The following BHLHE40 variants were observed in gnomAD, a reference collection of about 807,000 sequenced individuals.
The protein encoded by BHLHE40 is basic helix-loop-helix family member e40, also known as class E basic helix-loop-helix protein 40.
BHLHE40 carries 3 observed loss-of-function variants against 35.7 expected under a neutral mutation model. The observed-to-expected ratio is 0.08, with a 90% CI of 0.04 to 0.22. BHLHE40 has a LOEUF of 0.22. Ranked by LOEUF, BHLHE40 falls within the 10% of genes least tolerant of loss-of-function variation. The pLI is 1.00. For synonymous variants in BHLHE40, 236 were observed against 213.0 expected (o/e 1.11, Z -0.94); for missense variants, 486 against 524.0 (o/e 0.93, Z 0.71).
Position 4,980,368 on chromosome 3 carries a change from C to A in BHLHE40, c.218C>A (p.Ala73Asp). The A allele has an allele frequency of 6.2e-7, 1 of 1,614,128 alleles. No homozygotes were observed. The highest frequency in any genetic ancestry group is 8.5e-7 in the Non-Finnish European group (1 of 1,179,992). ...CGTGACCGGATTAACGAGTGCATCGCCCAGCTGAAGGATCTCCTACCCGAA... is the reference window on the plus strand; with the variant it reads ...CGTGACCGGATTAACGAGTGCATCGACCAGCTGAAGGATCTCCTACCCGAA... ...KRRDRINECI[A>D]QLKDLLPEHL... Residue 73 changes from alanine to aspartate, a missense_variant, in exon 3 of 5, where the codon GCC (alanine) becomes GAC (aspartate). Ala to Asp is a moderately radical substitution (Grantham distance 126). Coordinates refer to ENST00000256495, the MANE Select transcript of BHLHE40 (RefSeq NM_003670.3).
chr3:4,980,814 C>T lies in BHLHE40; in HGVS notation c.258+406C>T, dbSNP rs558633659. Among the ~76,000 whole-genome samples the T allele has an allele frequency of 8.0e-4, 122 of 151,940 alleles. 1 individual carries two copies. The highest frequency in any genetic ancestry group is 2.8e-3 in the African/African-American group (114 of 41,406). ...GACTTGCTTTGGTGTGTGATTTTTA[C>T]GGCCTGTCCTTTCTTGACAGTAGCC... On this transcript the variant is annotated intron_variant, in intron 3 of 4. Transcript: ENST00000256495.
chr3:4,980,181 G>C, intron 2 of BHLHE40, 120 bp from the exon 3 acceptor site: 1 of 1,132,886 alleles, frequency 8.8e-7, no homozygotes, highest in Non-Finnish European at 1.3e-6. Context: ...AAGGGCAGAC[G>C]ATGGTTCTGG....
At chr3:4,981,201 CACACACACACACACACAT>C (rs1323604245) in intron 3 of BHLHE40, among the ~76,000 whole-genome samples, 173 bp from the exon 4 acceptor site, 1 of 148,176 alleles carries the variant, frequency 6.7e-6, no homozygotes, top group African/African-American at 2.5e-5. Flanking sequence ...CACACACACA[CACACACACACACACACAT>C]ATATGAGTGT....
chr3:4,980,267 C>T, intron 2 of BHLHE40, 34 bp from the exon 3 acceptor site: 3 of 1,587,730 alleles, frequency 1.9e-6, no homozygotes, highest in African/African-American at 2.7e-5. Context: ...ATCTCCTTCC[C>T]CAAGCGCCCA....
rs367638183 is a variant in BHLHE40, at chr3:4,979,828, C to T, written c.80+30C>T. 4 of 1,591,254 alleles carry T rather than the reference C, an allele frequency of 2.5e-6. No homozygotes were observed. The African/African-American group carries it at 5.4e-5, about 21-fold the overall frequency. Reference sequence around the variant, plus strand: ...GTTGGCACTCCTTGGCCCTTCAAGCCTCAACTGCAGCCCCATGTTATGCGC... The same window carrying T: ...GTTGGCACTCCTTGGCCCTTCAAGCTTCAACTGCAGCCCCATGTTATGCGC... On this transcript the variant is annotated intron_variant, in intron 1 of 4. Transcript: ENST00000256495.
intron 3 of BHLHE40, 23 bp downstream of exon 3, chr3:4,980,431 T>G: frequency 2.5e-6 from 4 of 1,599,656 alleles, no homozygotes; most frequent in Non-Finnish European, 3.4e-6. Context: ...CTGGCCCCTT[T>G]CCAACCCAGT....
chr3:4,982,458 A>G (rs2053206479), intron 4 of BHLHE40, among the ~76,000 whole-genome samples: 1 of 152,176 alleles, frequency 6.6e-6, no homozygotes, highest in Non-Finnish European at 1.5e-5. Flanking sequence ...TGTTGTATGC[A>G]TTGACTCTTA....
At chr3:4,980,434 A>T (rs1328647540) in intron 3 of BHLHE40, 26 bp downstream of exon 3, 4 of 1,598,710 alleles carry the variant, frequency 2.5e-6, no homozygotes, top group Non-Finnish European at 3.4e-6. Context: ...GCCCCTTTCC[A>T]ACCCAGTCCT....
Position 4,983,608 on chromosome 3 carries a change from G to T in BHLHE40, c.1155G>T (p.Leu385Phe). 1.9e-6 allele frequency: 3 copies of T among 1,614,066 alleles called. No homozygotes were observed. The highest frequency in any genetic ancestry group is 3.3e-5 in the Admixed American group (2 of 60,010). ...TGCCCCAGAGACTCCCTTCTCCCTT[G>T]CCAGCTCATCCGTCCGTCGACTCTT... is the stretch of plus-strand genomic sequence containing the variant. The part of the protein sequence containing the change: ...LLMPQRLPSP[L>F]PAHPSVDSSV... Residue 385 changes from leucine to phenylalanine, a missense_variant, in exon 5 of 5, where the codon TTG (leucine) becomes TTT (phenylalanine). This residue lies in a region of BHLHE40 where 206 missense variants were observed against 208.9 expected (regional missense o/e 0.99). Coordinates refer to ENST00000256495, the MANE Select transcript of BHLHE40 (RefSeq NM_003670.3). The surrounding 1 kb of genome is among the most constrained non-coding windows in gnomAD (Gnocchi z 5.0).
In BHLHE40 at chr3:4,979,455, G is replaced by C. The variant is rs2053167917; in HGVS notation, c.-264G>C. The C allele has an allele frequency of 4.5e-6, 2 of 449,026 alleles. No individual in the cohort carries two copies. Among genetic ancestry groups the C allele is most frequent in the Non-Finnish European group, 8.0e-6 (2 of 250,618 alleles). 27.8% of individuals were successfully genotyped at this position (449,026 alleles called of 1,614,324 possible). On this transcript the variant is annotated 5_prime_UTR_variant, in exon 1 of 5. Coordinates refer to ENST00000256495, the MANE Select transcript of BHLHE40 (RefSeq NM_003670.3). ...ACTTCTCATTCACTTGGCTCGCACG[G>C]CGCAGACAGACCGCGCAGGGAGCAC...
chr3:4,981,724 A>T (rs2053199396), intron 4 of BHLHE40: 1 of 541,102 alleles, frequency 1.8e-6, no homozygotes, highest in African/African-American at 1.9e-5. Flanking sequence ...TAGTGAAATG[A>T]TAAGATATTC....
intron 2 of BHLHE40, 110 bp from the exon 3 acceptor site, chr3:4,980,191 G>A: frequency 3.5e-6 from 4 of 1,156,082 alleles, no homozygotes; most frequent in Non-Finnish European, 3.9e-6. Flanking sequence ...GATGGTTCTG[G>A]GTGCTACTCT....
rs1248007271 is a variant in BHLHE40, at chr3:4,979,761, C to A, written c.43C>A (p.Pro15Thr). 3.2e-6 allele frequency: 5 copies of A among 1,586,034 alleles called. No homozygotes were observed. The African/African-American group carries it at 6.8e-5, about 21-fold the overall frequency. Residue 15 changes from proline to threonine, a missense_variant, in exon 1 of 5, where the codon CCC becomes ACC. Physicochemically the swap from Pro to Thr is conservative, Grantham distance 38. Around this residue, in one of 5 missense-constraint regions of BHLHE40, gnomAD observed 87 missense variants for 66.7 expected, o/e 1.30. Coordinates refer to ENST00000256495, the MANE Select transcript of BHLHE40 (RefSeq NM_003670.3). ...CGCGCAACCACCCCCCGCCTGCCTG[C>A]CCAAAGCACCGGGACTGGAGCACGG... Reference protein sequence around the residue: ...PSAQPPPACLPKAPGLEHGDL... With the variant: ...PSAQPPPACLTKAPGLEHGDL...
Position 4,983,114 on chromosome 3 carries a change from C to G in BHLHE40, c.661C>G (p.Pro221Ala). The G allele has an allele frequency of 1.2e-6, 2 of 1,614,110 alleles. No individual in the cohort carries two copies. The highest frequency in any genetic ancestry group is 1.7e-6 in the Non-Finnish European group (2 of 1,179,998). ...GGAAGGTCCTGGGAAAAACTGCGTG[C>G]CAGTCATCCAGCGGACTTTCGCTCA... ...GSEGPGKNCV[P>A]VIQRTFAHSS... The change falls in exon 5 of 5, where the codon CCA becomes GCA. Residue 221 changes from proline (P) to alanine (A), a missense_variant. Physicochemically the swap from Pro to Ala is conservative, Grantham distance 27. Around this residue, in one of 5 missense-constraint regions of BHLHE40, gnomAD observed 176 missense variants for 180.5 expected, o/e 0.98. Coordinates refer to ENST00000256495, the MANE Select transcript of BHLHE40 (RefSeq NM_003670.3). This position sits in a 1 kb window ranked among gnomAD's most constrained non-coding sequence, Gnocchi z 5.0.
chr3:4,980,175 G>A, intron 2 of BHLHE40, 126 bp from the exon 3 acceptor site: 4 of 1,122,208 alleles, frequency 3.6e-6, no homozygotes, highest in Non-Finnish European at 5.3e-6. Context: ...AAAAGAAAGG[G>A]CAGACGATGG....
In BHLHE40 at chr3:4,983,683, C is replaced by A. The variant is rs763443322; in HGVS notation, c.1230C>A (p.Thr410=). ...LKPIPPLNLE[T]KD ...CAATCCCCCCTTTAAACTTAGAAAC[C>A]AAAGACTAAACTCTCTAGGGGATCC... The change falls in exon 5 of 5, where the codon ACC becomes ACA. Residue 410 remains threonine, a synonymous_variant. Transcript: ENST00000256495. This position sits in a 1 kb window ranked among gnomAD's most constrained non-coding sequence, Gnocchi z 5.0. 2.5e-6 allele frequency: 4 copies of A among 1,606,090 alleles called. No individual in the cohort carries two copies. The South Asian group carries it at 4.4e-5, about 18-fold the overall frequency.
In BHLHE40 at chr3:4,983,867, C is replaced by CGT; in HGVS notation, c.*177_*178dup. On this transcript the variant is annotated 3_prime_UTR_variant, in exon 5 of 5. Coordinates refer to ENST00000256495, the MANE Select transcript of BHLHE40 (RefSeq NM_003670.3). This position sits in a 1 kb window ranked among gnomAD's most constrained non-coding sequence, Gnocchi z 5.0. ...GTGTGTGTGTGTGTATGTGCGTGTG[C>CGT]GTGCACATGTGTGCCTGCGTGTTGG... 4 of 748,132 alleles carry CGT rather than the reference C, an allele frequency of 5.3e-6. No homozygotes were observed. The highest frequency in any genetic ancestry group is 6.0e-6 in the Non-Finnish European group (3 of 497,554). The allele number at this position is 748,132 out of a possible 1,614,324, so 46.3% of individuals were successfully genotyped here. A position where few individuals can be genotyped will look rare whatever the true frequency, so the allele number is the denominator to read the frequency against.
Position 4,983,998 on chromosome 3 carries a change from A to G in BHLHE40, c.*306A>G, listed in dbSNP as rs889223410. 2.8e-6 allele frequency: 1 copy of G among 354,630 alleles called. No individual in the cohort carries two copies. Among genetic ancestry groups the G allele is most frequent in the Admixed American group, 4.5e-5 (1 of 22,464 alleles). 22.0% of individuals were successfully genotyped at this position (354,630 alleles called of 1,614,324 possible). A position where few individuals can be genotyped will look rare whatever the true frequency, so the allele number is the denominator to read the frequency against. Reference sequence around the variant, plus strand: ...CAGACGTCTGGGCTTTTCCCCACCCAGAGAATAGCCCCCTTCGATACACAT... The same window carrying G: ...CAGACGTCTGGGCTTTTCCCCACCCGGAGAATAGCCCCCTTCGATACACAT... On this transcript the variant is annotated 3_prime_UTR_variant, in exon 5 of 5. Transcript: ENST00000256495. The surrounding 1 kb of genome is among the most constrained non-coding windows in gnomAD (Gnocchi z 5.0).
intron 4 of BHLHE40, 81 bp from the exon 5 acceptor site, chr3:4,982,755 G>A (rs1254944280): frequency 1.3e-6 from 2 of 1,521,486 alleles, no homozygotes; most frequent in South Asian, 1.2e-5. Flanking sequence ...AAAAACTAAA[G>A]CACCTGGTTT....
Sources: gnomAD v4.1 joint callset for allele counts (sites outside exome capture counted in the v4.1 genomes callset) on GRCh38, gnomAD v4.1.1 for gene constraint, gnomAD v4.1.1 regional missense constraint, Gnocchi (gnomAD v3.1) non-coding constraint, MANE v1.5 for transcripts, NCBI Gene and HGNC (gene_info 2026-07-23, HGNC 2026-07-21) for gene names.